CDH7: variants seen among roughly 807,000 people sequenced by gnomAD.
CDH7 encodes cadherin-7.
In CDH7, 25 loss-of-function variants were observed where a neutral mutation model predicts 71.8. The ratio of observed to expected loss-of-function variants is 0.35; its 90% CI spans 0.25 to 0.49. The LOEUF is 0.49. CDH7 is among the 20% of genes least tolerant of loss of function. The pLI, the probability that CDH7 is intolerant of heterozygous loss-of-function variation, is 0.99. For missense variants in CDH7, 862 were observed against 974.6 expected (o/e 0.88, Z 1.54); for synonymous variants, 381 against 363.8 (o/e 1.05, Z -0.54).
chr18:65,808,751 G>A (rs1238006915), intron 2 of CDH7, among the ~76,000 whole-genome samples: 2 of 152,088 alleles, frequency 1.3e-5, no homozygotes, highest in Admixed American at 1.3e-4. Context: ...CTTAAGGGCA[G>A]TGAAAAGCTT....
intron 7 of CDH7, among the ~76,000 whole-genome samples, chr18:65,855,149 C>A (rs1468024220): frequency 1.3e-5 from 2 of 151,950 alleles, no homozygotes; most frequent in Admixed American, 6.6e-5. Context: ...CCATTATTTT[C>A]TCTCTACTGT....
Position 65,886,611 on chromosome 18 carries a change from G to A in CDH7, c.*5717G>A, listed in dbSNP as rs1914380480. ...GATGAACACAAAACACCAGAATAGA[G>A]AAAAAGACAATAATGAGTATAAGTT... On this transcript the variant is annotated 3_prime_UTR_variant, in exon 12 of 12. Transcript: ENST00000397968. The A allele has an allele frequency of 6.6e-6, 1 of 152,052 alleles. No homozygotes were observed. Among genetic ancestry groups the A allele is most frequent in the South Asian group, 2.1e-4 (1 of 4,822 alleles). 9.4% of individuals were successfully genotyped at this position (152,052 alleles called of 1,614,324 possible). A position where few individuals can be genotyped will look rare whatever the true frequency, so the allele number is the denominator to read the frequency against.
chr18:65,782,160 T>C (rs868439630), intron 2 of CDH7, among the ~76,000 whole-genome samples: 1 of 118,132 alleles, frequency 8.5e-6, no homozygotes. Context: ...CTTTCTTTCT[T>C]TCTTCCTTTC....
intron 1 of CDH7, among the ~76,000 whole-genome samples, chr18:65,761,568 A>G (rs1916193901): frequency 1.3e-5 from 2 of 150,602 alleles, no homozygotes; most frequent in African/African-American, 4.9e-5. Flanking sequence ...TAGGCAAATG[A>G]TACTTCTTTG....
chr18:65,872,924 CTA>C (rs1004898906), intron 11 of CDH7, among the ~76,000 whole-genome samples: 1 of 150,562 alleles, frequency 6.6e-6, no homozygotes, highest in Non-Finnish European at 1.5e-5. Context: ...ATTAAAATGT[CTA>C]TAAAAATTTA....
Position 65,889,957 on chromosome 18 carries a change from T to C in CDH7, c.*9063T>C, listed in dbSNP as rs1262251053. 1 of 149,338 alleles carries C rather than the reference T, an allele frequency of 6.7e-6. No individual in the cohort carries two copies. Among genetic ancestry groups the C allele is most frequent in the East Asian group, 1.9e-4 (1 of 5,176 alleles). The allele number at this position is 149,338 out of a possible 1,614,324, so 9.3% of individuals were successfully genotyped here. On this transcript the variant is annotated 3_prime_UTR_variant, in exon 12 of 12. Coordinates refer to ENST00000397968, the MANE Select transcript of CDH7 (RefSeq NM_004361.5). ...TGTGACACCTCCACTGCCCCCACTT[T>C]TTCTTTTTTTTTGACAAGGTCTCAT...
At chr18:65,787,719 G>T (rs1382771474) in intron 2 of CDH7, among the ~76,000 whole-genome samples, 2 of 152,190 alleles carry the variant, frequency 1.3e-5, no homozygotes, top group East Asian at 3.9e-4. Flanking sequence ...GGTGAGAGAG[G>T]AGCTGCTCTC....
At chr18:65,826,682 A>T (rs1412965430) in intron 6 of CDH7, among the ~76,000 whole-genome samples, 1 of 151,556 alleles carries the variant, frequency 6.6e-6, no homozygotes, top group Non-Finnish European at 1.5e-5. Flanking sequence ...TGTAACATTC[A>T]GTAGTTATTG....
intron 7 of CDH7, 30 bp downstream of exon 7, chr18:65,844,095 GT>G: frequency 6.3e-7 from 1 of 1,595,352 alleles, no homozygotes; most frequent in South Asian, 1.1e-5. Context: ...CTTTTCTATG[GT>G]TTTACAAACA....
intron 7 of CDH7, among the ~76,000 whole-genome samples, chr18:65,849,923 G>T (rs961249691): frequency 1.3e-5 from 2 of 151,790 alleles, no homozygotes; most frequent in Non-Finnish European, 2.9e-5. Context: ...CAGCATTTTG[G>T]GAGGCCGAGA....
At chr18:65,845,507 A>G (rs902567597) in intron 7 of CDH7, among the ~76,000 whole-genome samples, 1 of 151,966 alleles carries the variant, frequency 6.6e-6, no homozygotes, top group Non-Finnish European at 1.5e-5. Flanking sequence ...AGCCCCACAT[A>G]CCAAGTTATA....
At position 65,822,119 on chromosome 18, in the gene CDH7, G is replaced by A. The variant is rs147015734; in HGVS notation, c.664G>A (p.Ala222Thr). 1 of 1,613,130 alleles carries A rather than the reference G, an allele frequency of 6.2e-7. No homozygotes were observed. The highest frequency in any genetic ancestry group is 1.7e-5 in the Admixed American group (1 of 60,004). The change falls in exon 5 of 12, where the codon GCT becomes ACT. Residue 222 changes from alanine to threonine, a missense_variant. Transcript: ENST00000397968. ...KTALPNMDRE[A>T]KDQYLLVIQA... ...TGCCCTTCCAAACATGGATAGAGAG[G>A]CTAAAGACCAGTATTTGCTTGTCAT...
intron 1 of CDH7, among the ~76,000 whole-genome samples, chr18:65,759,558 A>G (rs920080733): frequency 1.3e-5 from 2 of 151,950 alleles, no homozygotes; most frequent in African/African-American, 4.8e-5. Flanking sequence ...GGCCCCCATT[A>G]TCTTTTATTA....
In CDH7 at chr18:65,888,239, G is replaced by C. The variant is rs1016968999; in HGVS notation, c.*7345G>C. On this transcript the variant is annotated 3_prime_UTR_variant, in exon 12 of 12. Transcript: ENST00000397968. The stretch of plus-strand genomic sequence containing the variant: ...TAACCAGCGAAGAGATGTATACAAA[G>C]TGTACTCTGAATTGGAATAAGTGTA... 1.3e-5 allele frequency: 2 copies of C among 152,148 alleles called. No individual in the cohort carries two copies. The highest frequency in any genetic ancestry group is 2.9e-5 in the Non-Finnish European group (2 of 68,022). The allele number at this position is 152,148 out of a possible 1,614,324, so 9.4% of individuals were successfully genotyped here.
At chr18:65,863,338 T>C in intron 11 of CDH7, 1 of 184,570 alleles carries the variant, frequency 5.4e-6, no homozygotes, top group Non-Finnish European at 1.2e-5. Flanking sequence ...GCTCCTGGCC[T>C]GGATGGTGTT....
Position 65,879,969 on chromosome 18 carries a change from A to T in CDH7, c.1865-432A>T, listed in dbSNP as rs569170187. 7.2e-5 allele frequency among the ~76,000 whole-genome samples: 11 copies of T among 152,318 alleles called. No individual in the cohort carries two copies. The East Asian group carries it at 1.5e-3, about 21-fold the overall frequency. Reference sequence around the variant, plus strand: ...CAAAGAACCTGACCGAGTGCTATAAACCATTTCTTTGTGAAATTGCAGTTG... The same window carrying T: ...CAAAGAACCTGACCGAGTGCTATAATCCATTTCTTTGTGAAATTGCAGTTG... On this transcript the variant is annotated intron_variant, in intron 11 of 11. Coordinates refer to ENST00000397968, the MANE Select transcript of CDH7 (RefSeq NM_004361.5).
chr18:65,849,797 C>T (rs572381113), intron 7 of CDH7, among the ~76,000 whole-genome samples: 2 of 152,142 alleles, frequency 1.3e-5, no homozygotes, highest in East Asian at 3.9e-4. Context: ...TTTTGGAAGA[C>T]TCCAGGTAAA....
intron 1 of CDH7, among the ~76,000 whole-genome samples, chr18:65,757,044 G>GTT (rs35923381): frequency 0.045 from 6,493 of 143,900 alleles, 446 homozygotes; most frequent in African/African-American, 0.14. Context: ...ATGCATAACA[G>GTT]TTTTTTTTTT....
intron 7 of CDH7, among the ~76,000 whole-genome samples, chr18:65,849,990 C>T (rs924069276): frequency 6.6e-6 from 1 of 150,892 alleles, no homozygotes; most frequent in Non-Finnish European, 1.5e-5. Flanking sequence ...GTGGTGAAGC[C>T]CTGTCTTTAC....
Sources: gnomAD v4.1 joint callset for allele counts (sites outside exome capture counted in the v4.1 genomes callset) on GRCh38, gnomAD v4.1.1 for gene constraint, MANE v1.5 for transcripts, NCBI Gene and HGNC (gene_info 2026-07-23, HGNC 2026-07-21) for gene names.